Variants in SPMAP2 observed in about 807,000 individuals in gnomAD.
The protein encoded by SPMAP2 is Theg homolog.
the SPMAP2 span, chr19:373,399 T>C: frequency 2.1e-6 from 3 of 1,456,562 alleles, no homozygotes; most frequent in South Asian, 1.2e-5. Flanking sequence ...AGTATCTAGA[T>C]GGGGCGGGGC....
chr19:364,150 G>C, the SPMAP2 span, among the ~76,000 whole-genome samples: 2 of 149,838 alleles, frequency 1.3e-5, no homozygotes, highest in Admixed American at 1.3e-4. Flanking sequence ...TGGCTCACAC[G>C]GTGAAATCCC....
chr19:368,580 T>C, the SPMAP2 span, among the ~76,000 whole-genome samples: 3 of 152,282 alleles, frequency 2.0e-5, no homozygotes, highest in East Asian at 5.8e-4. The surrounding 1 kb of genome is among the most constrained non-coding windows in gnomAD (Gnocchi z 4.1). Context: ...TGTCCATCCA[T>C]TCTTGGAGCG....
the SPMAP2 span, among the ~76,000 whole-genome samples, chr19:368,963 C>T: frequency 1.1e-4 from 17 of 152,264 alleles, no homozygotes; most frequent in African/African-American, 3.9e-4. The surrounding 1 kb of genome is among the most constrained non-coding windows in gnomAD (Gnocchi z 4.1). Flanking sequence ...TGCAGAAAGC[C>T]GTTGCTCAGA....
the SPMAP2 span, among the ~76,000 whole-genome samples, chr19:370,381 G>A: frequency 1.3e-5 from 2 of 149,978 alleles, no homozygotes; most frequent in Non-Finnish European, 3.0e-5. Context: ...TCGCTCTGTC[G>A]CCCAGGCTGG....
chr19:367,142 G>A, the SPMAP2 span: 1 of 1,612,922 alleles, frequency 6.2e-7, no homozygotes, highest in South Asian at 1.1e-5. Context: ...TTCCAAGAGG[G>A]TGGCTGGGGC....
At chr19:375,904 T>C in the SPMAP2 span, 1 of 1,511,438 alleles carries the variant, frequency 6.6e-7, no homozygotes, top group African/African-American at 1.4e-5. Context: ...TCCTGCTCCC[T>C]TTCCGACCTG....
At chr19:373,982 C>G in the SPMAP2 span, 4 of 1,613,662 alleles carry the variant, frequency 2.5e-6, no homozygotes, top group Non-Finnish European at 3.4e-6. Flanking sequence ...TGGGGAGATC[C>G]AGGCATACCC....
At chr19:373,878 C>A in the SPMAP2 span, 5 of 1,502,772 alleles carry the variant, frequency 3.3e-6, no homozygotes, top group Admixed American at 7.2e-5. Flanking sequence ...GTGAAGGGGT[C>A]CCCTGGAACC....
At chr19:373,797 C>A in the SPMAP2 span, 1 of 830,766 alleles carries the variant, frequency 1.2e-6, no homozygotes, top group Non-Finnish European at 2.0e-6. Context: ...ACCCAGGTCA[C>A]AAGGGTGGAG....
chr19:364,734 C>T, the SPMAP2 span, among the ~76,000 whole-genome samples: 2 of 152,068 alleles, frequency 1.3e-5, no homozygotes, highest in Non-Finnish European at 2.9e-5. Flanking sequence ...CTCAGGCACT[C>T]GTGGCCCCCT....
the SPMAP2 span, chr19:373,885 A>G: frequency 7.7e-6 from 12 of 1,549,800 alleles, no homozygotes; most frequent in South Asian, 1.3e-4. Context: ...GGTCCCCTGG[A>G]ACCTGACACG....
the SPMAP2 span, among the ~76,000 whole-genome samples, chr19:368,043 A>G: frequency 3.7e-4 from 57 of 152,228 alleles, no homozygotes; most frequent in East Asian, 7.9e-3. This position sits in a 1 kb window ranked among gnomAD's most constrained non-coding sequence, Gnocchi z 4.1. Context: ...CGTTTCACCC[A>G]GAAACTTGGC....
chr19:366,930 C>G, the SPMAP2 span: 1 of 1,041,884 alleles, frequency 9.6e-7, no homozygotes, highest in Non-Finnish European at 1.4e-6. Context: ...TGCTTCCGGA[C>G]CACACGTCCC....
At chr19:363,683 G>A in the SPMAP2 span, among the ~76,000 whole-genome samples, 1,749 of 150,396 alleles carry the variant, frequency 0.012, 27 homozygotes, top group East Asian at 0.03. Context: ...ACAGGCGCCC[G>A]CCACCACGCC....
At chr19:363,239 C>T in the SPMAP2 span, among the ~76,000 whole-genome samples, 1 of 152,226 alleles carries the variant, frequency 6.6e-6, no homozygotes, top group Non-Finnish European at 1.5e-5. Flanking sequence ...GTCGCCCAGG[C>T]TGGAGTGCAG....
At chr19:362,298 G>C in the SPMAP2 span, 1 of 1,607,614 alleles carries the variant, frequency 6.2e-7, no homozygotes, top group Non-Finnish European at 8.5e-7. Flanking sequence ...CCCTCGTTGA[G>C]GCCCTTGCGC....
At chr19:374,503 T>C in the SPMAP2 span, 1 of 1,578,296 alleles carries the variant, frequency 6.3e-7, no homozygotes, top group Non-Finnish European at 8.6e-7. Context: ...TGGGTCTTGC[T>C]CAAGCGCCTT....
chr19:374,375 C>G, the SPMAP2 span: 3 of 1,614,154 alleles, frequency 1.9e-6, no homozygotes, highest in Non-Finnish European at 2.5e-6. Context: ...CTCTTCCTTG[C>G]TTTGGTCATG....
At chr19:362,765 TAAAAAAA>T in the SPMAP2 span, among the ~76,000 whole-genome samples, 1,433 of 57,474 alleles carry the variant, frequency 0.025, 42 homozygotes, top group African/African-American at 0.077. Flanking sequence ...GACTCCATCT[TAAAAAAA>T]AAAAAAAAAA....
Sources: gnomAD v4.1 joint callset for allele counts (sites outside exome capture counted in the v4.1 genomes callset) on GRCh38, gnomAD v4.1.1 for gene constraint, Gnocchi (gnomAD v3.1) non-coding constraint, MANE v1.5 for transcripts, NCBI Gene and HGNC (gene_info 2026-07-23, HGNC 2026-07-21) for gene names.